Variants in AOAH observed in about 807,000 individuals in gnomAD.
AOAH encodes acyloxyacyl hydrolase, also known as acyloxyacyl hydrolase (neutrophil).
A neutral mutation model predicts 92.2 loss-of-function variants in AOAH; 64 were observed. The ratio of observed to expected loss-of-function variants is 0.69; its 90% CI spans 0.57 to 0.86. AOAH has a LOEUF of 0.86. Ranked by LOEUF, AOAH falls within the 40% of genes least tolerant of loss-of-function variation. The pLI is 0.00. For synonymous variants in AOAH, 263 were observed against 254.5 expected (o/e 1.03, Z -0.32); for missense variants, 656 against 694.6 (o/e 0.94, Z 0.62).
intron 3 of AOAH, 47 bp downstream of exon 3, chr7:36,673,896 C>T (rs745343215): frequency 2.2e-6 from 3 of 1,387,086 alleles, no homozygotes; most frequent in Non-Finnish European, 3.0e-6. Flanking sequence ...CTTGTTCCTC[C>T]CATGTCCCAG....
At chr7:36,647,843 T>G (rs1005157345) in intron 4 of AOAH, among the ~76,000 whole-genome samples, 6 of 151,970 alleles carry the variant, frequency 3.9e-5, no homozygotes, top group African/African-American at 1.5e-4. Flanking sequence ...AGTTCTTTTT[T>G]TTTTTTTGGT....
chr7:36,575,684 T>C (rs189252248), intron 13 of AOAH, among the ~76,000 whole-genome samples: 3 of 152,344 alleles, frequency 2.0e-5, no homozygotes, highest in Admixed American at 1.3e-4. Flanking sequence ...AAAAAATCTA[T>C]ATTGTTCTTA....
intron 2 of AOAH, among the ~76,000 whole-genome samples, chr7:36,678,579 G>GTGTGTGTT (rs1554314277): frequency 1.7e-5 from 2 of 119,842 alleles, no homozygotes; most frequent in Admixed American, 1.5e-4. Flanking sequence ...GTGTGTGTGT[G>GTGTGTGTT]TGTGTGTGTG....
At chr7:36,580,509 T>C (rs1352818771) in intron 12 of AOAH, among the ~76,000 whole-genome samples, 1 of 152,236 alleles carries the variant, frequency 6.6e-6, no homozygotes, top group African/African-American at 2.4e-5. Context: ...TCAGTTATTT[T>C]AATATGTAGG....
intron 12 of AOAH, among the ~76,000 whole-genome samples, chr7:36,579,560 C>G (rs1788781482): frequency 1.3e-5 from 2 of 151,812 alleles, no homozygotes; most frequent in African/African-American, 2.4e-5. Context: ...CACACTCTCA[C>G]AAGGTCCCAT....
At chr7:36,612,534 A>T (rs1199968223) in intron 11 of AOAH, among the ~76,000 whole-genome samples, 1 of 152,218 alleles carries the variant, frequency 6.6e-6, no homozygotes, top group East Asian at 1.9e-4. Context: ...TCTTGAGCAG[A>T]TAATTGATCA....
chr7:36,524,315 C>T (rs1198665951), intron 19 of AOAH, among the ~76,000 whole-genome samples: 2 of 151,846 alleles, frequency 1.3e-5, no homozygotes, highest in South Asian at 2.1e-4. Context: ...GTAATTATTC[C>T]GTGAAGATGG....
intron 1 of AOAH, among the ~76,000 whole-genome samples, chr7:36,715,203 A>T (rs1413255944): frequency 6.6e-6 from 1 of 152,140 alleles, no homozygotes. Context: ...GAGCCAAATC[A>T]TGAGTGAACT....
intron 4 of AOAH, among the ~76,000 whole-genome samples, chr7:36,652,772 C>G (rs1030185420): frequency 1.3e-5 from 2 of 152,184 alleles, no homozygotes; most frequent in Non-Finnish European, 2.9e-5. Context: ...ACGTACTTAA[C>G]CTGTATCCTT....
At position 36,614,045 on chromosome 7, in the gene AOAH, T is replaced by C. The variant is rs1277483476; in HGVS notation, c.846+2335A>G. Among the ~76,000 whole-genome samples the C allele has an allele frequency of 1.3e-5, 2 of 152,130 alleles. No individual in the cohort carries two copies. The highest frequency in any genetic ancestry group is 4.8e-5 in the African/African-American group (2 of 41,418). On this transcript the variant is annotated intron_variant, in intron 11 of 20. Transcript: ENST00000617537. The surrounding 1 kb of genome is among the most constrained non-coding windows in gnomAD (Gnocchi z 4.2). ...TAGGAAGAGGAGGTCAAGGAAAAAATGATAATTTCTGCGGGTTAATTTCTC... is the reference window on the plus strand; with the variant it reads ...TAGGAAGAGGAGGTCAAGGAAAAAACGATAATTTCTGCGGGTTAATTTCTC...
chr7:36,530,747 C>G (rs913865723), intron 18 of AOAH: 1 of 442,834 alleles, frequency 2.3e-6, no homozygotes, highest in Non-Finnish European at 4.1e-6. Context: ...ATTAGTGATA[C>G]TAGTTTTAAC....
intron 12 of AOAH, among the ~76,000 whole-genome samples, chr7:36,589,022 C>G (rs1214740356): frequency 6.6e-6 from 1 of 151,048 alleles, no homozygotes; most frequent in African/African-American, 2.5e-5. Flanking sequence ...GCCTTCATTG[C>G]TTTTTATGAT....
At chr7:36,627,483 A>T (rs2116169202) in intron 6 of AOAH, among the ~76,000 whole-genome samples, 2 of 152,004 alleles carry the variant, frequency 1.3e-5, no homozygotes, top group Middle Eastern at 3.4e-3. Flanking sequence ...TTTGTGCCTC[A>T]GTTTTCTCAT....
intron 4 of AOAH, among the ~76,000 whole-genome samples, chr7:36,645,034 A>C (rs1291577270): frequency 6.6e-6 from 1 of 152,146 alleles, no homozygotes; most frequent in African/African-American, 2.4e-5. Context: ...AAATGGAGCA[A>C]GATTTGAAAG....
chr7:36,594,880 C>T (rs1049047277), intron 11 of AOAH, among the ~76,000 whole-genome samples: 1 of 152,030 alleles, frequency 6.6e-6, no homozygotes, highest in East Asian at 1.9e-4. Context: ...AAGGTGGTGC[C>T]CTCTGACCTT....
intron 13 of AOAH, among the ~76,000 whole-genome samples, chr7:36,560,363 G>C (rs2116465319): frequency 6.6e-6 from 1 of 152,242 alleles, no homozygotes; most frequent in Admixed American, 6.5e-5. Flanking sequence ...TCCAATTCAG[G>C]AACATGGAAT....
rs560302289 is a variant in AOAH at position 36,719,250 on chromosome 7, C to T, written c.127+4772G>A. On this transcript the variant is annotated intron_variant, in intron 1 of 20. Coordinates refer to ENST00000617537, the MANE Select transcript of AOAH (RefSeq NM_001637.4). ...TTGGCAATTATTATAATTATTAACTCGCAAATGTAATTTGTGTGGCTGAAG... is the reference window on the plus strand; with the variant it reads ...TTGGCAATTATTATAATTATTAACTTGCAAATGTAATTTGTGTGGCTGAAG... 5.3e-5 allele frequency among the ~76,000 whole-genome samples: 8 copies of T among 152,292 alleles called. No homozygotes were observed. The South Asian group carries it at 1.0e-3, about 20-fold the overall frequency.
Position 36,631,606 on chromosome 7 carries a change from G to A in AOAH, c.521+430C>T, listed in dbSNP as rs377450747. On this transcript the variant is annotated intron_variant, in intron 6 of 20. Coordinates refer to ENST00000617537, the MANE Select transcript of AOAH (RefSeq NM_001637.4). The stretch of plus-strand genomic sequence containing the variant: ...AGATTTTTCATGTAATAGTTTGGGC[G>A]CTGTGAAAACACAGTCCCTGTCCAA... Among the ~76,000 whole-genome samples, 157 of 152,260 alleles carry A rather than the reference G, an allele frequency of 1.0e-3. 4 individuals carry two copies. The South Asian group carries it at 0.028, about 27-fold the overall frequency.
At chr7:36,676,130 A>G (rs1294809858) in intron 2 of AOAH, among the ~76,000 whole-genome samples, 2 of 152,244 alleles carry the variant, frequency 1.3e-5, no homozygotes, top group Non-Finnish European at 2.9e-5. Flanking sequence ...ATGAGGCAAG[A>G]AAAAGAAATA....
Sources: allele counts gnomAD v4.1 joint callset (sites outside exome capture counted in the v4.1 genomes callset), GRCh38; gene constraint gnomAD v4.1.1; non-coding constraint Gnocchi (gnomAD v3.1); transcripts MANE v1.5; gene names NCBI Gene and HGNC (gene_info 2026-07-23, HGNC 2026-07-21).